The following STARD13 variants were observed in gnomAD, a reference collection of about 807,000 sequenced individuals.
STARD13 encodes the protein StAR related lipid transfer domain containing 13.
Under a neutral mutation model 106.4 loss-of-function variants are expected in STARD13, and 62 were observed. The ratio of observed to expected loss-of-function variants is 0.58; its 90% confidence interval spans 0.48 to 0.72. The LOEUF is 0.72. Among genes scored for constraint, STARD13 ranks in the 30% least tolerant of loss-of-function variants. STARD13 has a pLI of 0.00. For missense variants in STARD13, 1,387 were observed against 1,424.0 expected (o/e 0.97, Z 0.42); for synonymous variants, 565 against 553.0 (o/e 1.02, Z -0.31).
chr13:33,628,767 C>A, the STARD13 span, among the ~76,000 whole-genome samples: 1 of 152,112 alleles, frequency 6.6e-6, no homozygotes, highest in South Asian at 2.1e-4. Context: ...TGAACAGAGA[C>A]TTTTCAATCA....
the STARD13 span, among the ~76,000 whole-genome samples, chr13:33,422,445 G>C: frequency 6.6e-6 from 1 of 152,062 alleles, no homozygotes; most frequent in Non-Finnish European, 1.5e-5. Flanking sequence ...AATAAAAGAG[G>C]ACACAAGCAA....
the STARD13 span, among the ~76,000 whole-genome samples, chr13:33,669,262 T>A: frequency 6.8e-4 from 104 of 151,960 alleles, no homozygotes; most frequent in Non-Finnish European, 1.2e-3. Flanking sequence ...TAGAAACAAA[T>A]AAAAAAGGAA....
intron 10 of STARD13, among the ~76,000 whole-genome samples, chr13:33,111,544 T>G (rs998397974): frequency 6.6e-6 from 1 of 152,244 alleles, no homozygotes; most frequent in Non-Finnish European, 1.5e-5. Flanking sequence ...TGGCAGGTGA[T>G]GCACTGTTTG....
chr13:33,509,585 G>T, the STARD13 span, among the ~76,000 whole-genome samples: 4 of 152,172 alleles, frequency 2.6e-5, no homozygotes, highest in African/African-American at 9.7e-5. Context: ...GCTAGGGAGA[G>T]GGGTAGAGCA....
chr13:33,331,673 C>T (rs2077838333), intron 1 of STARD13, among the ~76,000 whole-genome samples: 1 of 151,936 alleles, frequency 6.6e-6, no homozygotes, highest in Non-Finnish European at 1.5e-5. Context: ...GTCTGTTCTT[C>T]ATTCTTCTAC....
chr13:33,544,026 T>C, the STARD13 span, among the ~76,000 whole-genome samples: 4 of 152,362 alleles, frequency 2.6e-5, 1 homozygote, highest in South Asian at 6.2e-4. Context: ...CATAGAAATG[T>C]ATTCTGTATA....
chr13:33,508,971 T>C, the STARD13 span, among the ~76,000 whole-genome samples: 3 of 152,228 alleles, frequency 2.0e-5, no homozygotes, highest in Admixed American at 2.0e-4. Flanking sequence ...GTTAAGTATT[T>C]GTGTATGTAA....
At chr13:33,440,010 CA>C in the STARD13 span, among the ~76,000 whole-genome samples, 1 of 152,194 alleles carries the variant, frequency 6.6e-6, no homozygotes, top group African/African-American at 2.4e-5. Context: ...TGCAGTGGCT[CA>C]TGCCTGTAAT....
intron 7 of STARD13, among the ~76,000 whole-genome samples, chr13:33,122,821 G>A (rs1246518276): frequency 1.3e-5 from 2 of 152,096 alleles, no homozygotes; most frequent in East Asian, 1.9e-4. Flanking sequence ...TAGGGAGGCC[G>A]AGGCGGGTGG....
At chr13:33,447,939 A>C in the STARD13 span, among the ~76,000 whole-genome samples, 3 of 152,216 alleles carry the variant, frequency 2.0e-5, no homozygotes, top group Admixed American at 2.0e-4. Flanking sequence ...GATAATAAGC[A>C]CAATTAATTT....
the STARD13 span, among the ~76,000 whole-genome samples, chr13:33,368,366 T>C: frequency 1.3e-5 from 2 of 152,216 alleles, no homozygotes. Context: ...ATTTGTTGGG[T>C]ACCTTCTATG....
chr13:33,646,427 G>A, the STARD13 span, among the ~76,000 whole-genome samples: 1 of 152,184 alleles, frequency 6.6e-6, no homozygotes, highest in Non-Finnish European at 1.5e-5. Context: ...AGCACTCATG[G>A]GTTCAGTATA....
chr13:33,289,809 C>G (rs1039891381), upstream of STARD13, among the ~76,000 whole-genome samples: 12 of 152,232 alleles, frequency 7.9e-5, no homozygotes, highest in Admixed American at 3.3e-4. Flanking sequence ...CACAAGCCCT[C>G]TTAGGAGTAA....
the STARD13 span, among the ~76,000 whole-genome samples, chr13:33,458,273 T>C: frequency 0.088 from 13,013 of 148,362 alleles, 651 homozygotes; most frequent in East Asian, 0.14. Flanking sequence ...GTTTGTTTTT[T>C]GTTGTTTTTT....
chr13:33,358,645 A>G, the STARD13 span, among the ~76,000 whole-genome samples: 1 of 142,550 alleles, frequency 7.0e-6, no homozygotes, highest in Non-Finnish European at 1.5e-5. Flanking sequence ...ACCAATCGAC[A>G]CTCTGAATCT....
At position 33,299,648 on chromosome 13, in the gene STARD13, T is replaced by C. The variant is rs141244238; in HGVS notation, c.124+50642A>G. Among the ~76,000 whole-genome samples the C allele has an allele frequency of 4.8e-3, 732 of 152,296 alleles. 8 individuals carry two copies. The highest frequency in any genetic ancestry group is 0.016 in the African/African-American group (655 of 41,532). On this transcript the variant is annotated intron_variant, in intron 1 of 5. Coordinates refer to the STARD13 transcript ENST00000567873. ...TTGAGAAGTTATCCTGTGGTTTTGT[T>C]GAATTCCGTACAGAGACACTCCATC... is the stretch of plus-strand genomic sequence containing the variant.
rs74968902 is a variant in STARD13 at position 33,109,105 on chromosome 13, C to T, written c.3047+768G>A. Among the ~76,000 whole-genome samples the T allele has an allele frequency of 8.3e-4, 127 of 152,276 alleles. 2 individuals are homozygous for T. In the East Asian group the frequency reaches 0.022, roughly 27 times the overall value. On this transcript the variant is annotated intron_variant, in intron 12 of 13. Transcript: ENST00000336934. ...ACATTTGGGAGTTTCACAATAGGTT[C>T]CTTTTACACTGCTGATCTGTGACAT...
At chr13:33,113,601 G>A (rs1874938376) in intron 8 of STARD13, 1 of 511,970 alleles carries the variant, frequency 2.0e-6, no homozygotes, top group African/African-American at 1.9e-5. Flanking sequence ...TTGACTTCAT[G>A]TGGAGACCCA....
At chr13:33,259,493 C>G (rs151054830) in intron 1 of STARD13, among the ~76,000 whole-genome samples, 244 of 152,248 alleles carry the variant, frequency 1.6e-3, no homozygotes, top group African/African-American at 5.5e-3. Flanking sequence ...GCAATCTCAA[C>G]CCTGGGTAGA....
Sources: gnomAD v4.1 joint callset for allele counts (sites outside exome capture counted in the v4.1 genomes callset) on GRCh38, gnomAD v4.1.1 for gene constraint, MANE v1.5 for transcripts, NCBI Gene and HGNC (gene_info 2026-07-23, HGNC 2026-07-21) for gene names.